VTCN1: variants seen among roughly 807,000 people sequenced by gnomAD.
VTCN1 encodes V-set domain-containing T-cell activation inhibitor 1.
A neutral mutation model predicts 26.5 loss-of-function variants in VTCN1; 26 were observed. That is an observed-to-expected ratio of 0.98 (90% confidence interval 0.72 to 1.36). VTCN1 has a LOEUF of 1.36. Ranked by LOEUF, VTCN1 falls within the 40% of genes most tolerant of loss-of-function variation. VTCN1 has a pLI of 0.00. For synonymous variants in VTCN1, 116 were observed against 130.7 expected (o/e 0.89, Z 0.77); for missense variants, 298 against 337.7 (o/e 0.88, Z 0.92).
At position 117,147,384 on chromosome 1, in the gene VTCN1, A is replaced by G. The variant is rs1247653318; in HGVS notation, c.*45+229T>C. Among the ~76,000 whole-genome samples the G allele has an allele frequency of 1.3e-5, 2 of 152,232 alleles. No individual in the cohort carries two copies. Among genetic ancestry groups the G allele is most frequent in the Non-Finnish European group, 2.9e-5 (2 of 68,032 alleles). On this transcript the variant is annotated intron_variant, in intron 5 of 5. Transcript: ENST00000369458. The surrounding 1 kb of genome is among the most constrained non-coding windows in gnomAD (Gnocchi z 4.6). ...TAACTTAAAAGGTATTTGAATTTAC[A>G]TAAATACTTGAATTGTATGTTATTT...
Position 117,146,009 on chromosome 1 carries a change from C to T in VTCN1, c.*46-784G>A, listed in dbSNP as rs1057195237. On this transcript the variant is annotated intron_variant, in intron 5 of 5. Coordinates refer to ENST00000369458, the MANE Select transcript of VTCN1 (RefSeq NM_024626.4). This position sits in a 1 kb window ranked among gnomAD's most constrained non-coding sequence, Gnocchi z 4.2. ...GTGCCAGGGAGAAAGAGGTGGACTG[C>T]AGCTAACTGGGTAATTGTATATAAG... Among the ~76,000 whole-genome samples the T allele has an allele frequency of 6.6e-6, 1 of 152,174 alleles. No individual in the cohort carries two copies. Among genetic ancestry groups the T allele is most frequent in the Non-Finnish European group, 1.5e-5 (1 of 68,032 alleles).
rs565754335 is a variant in VTCN1, at chr1:117,168,592, A to G, written c.97+1515T>C. On this transcript the variant is annotated intron_variant, in intron 2 of 5. Transcript: ENST00000369458. ...ATTAAGAACTTCTGCTCATTGAAAA[A>G]CATCATTAAGAGAGTAAAAAAGCAA... 2.0e-5 allele frequency among the ~76,000 whole-genome samples: 3 copies of G among 152,358 alleles called. No individual in the cohort carries two copies. The South Asian group carries it at 6.2e-4, about 32-fold the overall frequency.
intron 4 of VTCN1, among the ~76,000 whole-genome samples, chr1:117,150,632 CAACAA>C (rs1291872271): frequency 6.6e-6 from 1 of 152,062 alleles, no homozygotes; most frequent in Non-Finnish European, 1.5e-5. Flanking sequence ...GCAGTAAAAA[CAACAA>C]AATTTACCAT....
chr1:117,163,867 G>T (rs1652486342), intron 2 of VTCN1, among the ~76,000 whole-genome samples: 1 of 152,192 alleles, frequency 6.6e-6, no homozygotes, highest in African/African-American at 2.4e-5. Context: ...TTTCTCAGAT[G>T]ACTCGAAGGT....
chr1:117,173,790 G>T (rs1486524039), intron 1 of VTCN1, among the ~76,000 whole-genome samples: 1 of 152,212 alleles, frequency 6.6e-6, no homozygotes, highest in Admixed American at 6.5e-5. Context: ...CCTGAACAGC[G>T]ACACTGAACA....
At chr1:117,198,629 A>G (rs1318491773) in intron 1 of VTCN1, among the ~76,000 whole-genome samples, 3 of 152,148 alleles carry the variant, frequency 2.0e-5, no homozygotes, top group Non-Finnish European at 4.4e-5. Context: ...CATCCACATC[A>G]GCACCACCCA....
At chr1:117,194,086 A>G (rs1167784424) in intron 1 of VTCN1, among the ~76,000 whole-genome samples, 1 of 152,196 alleles carries the variant, frequency 6.6e-6, no homozygotes, top group Admixed American at 6.5e-5. Flanking sequence ...CAGGCAACCT[A>G]AAGAATAGAA....
chr1:117,174,744 A>G (rs1365783481), intron 1 of VTCN1, among the ~76,000 whole-genome samples: 1 of 152,166 alleles, frequency 6.6e-6, no homozygotes, highest in East Asian at 1.9e-4. Flanking sequence ...AAGAATTTAA[A>G]CCCAGGGGAA....
chr1:117,193,794 T>C (rs1648367979), intron 1 of VTCN1, among the ~76,000 whole-genome samples: 1 of 152,146 alleles, frequency 6.6e-6, no homozygotes, highest in South Asian at 2.1e-4. Flanking sequence ...CAGCAATAAA[T>C]GGTACTGGGA....
At chr1:117,209,196 T>C (rs1211235973) in intron 1 of VTCN1, among the ~76,000 whole-genome samples, 1 of 152,136 alleles carries the variant, frequency 6.6e-6, no homozygotes, top group Non-Finnish European at 1.5e-5. Flanking sequence ...TTCCAGTGGG[T>C]TTCTGAAGGG....
chr1:117,170,242 T>A, intron 1 of VTCN1, 71 bp from the exon 2 acceptor site: 1 of 1,398,654 alleles, frequency 7.1e-7, no homozygotes, highest in Non-Finnish European at 1.0e-6. Flanking sequence ...GCAACTGGGG[T>A]ACAAATCTGT....
At chr1:117,207,941 T>G (rs1004328309) in intron 1 of VTCN1, among the ~76,000 whole-genome samples, 31 of 152,170 alleles carry the variant, frequency 2.0e-4, no homozygotes, top group African/African-American at 7.2e-4. Context: ...TGACCACAAC[T>G]GTTTCCCAAC....
Position 117,146,320 on chromosome 1 carries a change from G to A in VTCN1, c.*46-1095C>T, listed in dbSNP as rs776737477. 6.6e-5 allele frequency among the ~76,000 whole-genome samples: 10 copies of A among 152,078 alleles called. No individual in the cohort carries two copies. Among genetic ancestry groups the A allele is most frequent in the African/African-American group, 9.7e-5 (4 of 41,406 alleles). ...AGGATTGGAAATGATGAAAACTGGC[G>A]GGTTTCCTTACAAAGAATCTCCTTT... is the stretch of plus-strand genomic sequence containing the variant. On this transcript the variant is annotated intron_variant, in intron 5 of 5. Coordinates refer to ENST00000369458, the MANE Select transcript of VTCN1 (RefSeq NM_024626.4). This position sits in a 1 kb window ranked among gnomAD's most constrained non-coding sequence, Gnocchi z 4.2.
intron 1 of VTCN1, among the ~76,000 whole-genome samples, chr1:117,176,370 A>T (rs575560654): frequency 4.9e-4 from 75 of 152,352 alleles, no homozygotes; most frequent in African/African-American, 1.6e-3. Flanking sequence ...AAAAAGTGGC[A>T]GGAGGCCTCA....
At chr1:117,179,830 C>T (rs995797158) in intron 1 of VTCN1, among the ~76,000 whole-genome samples, 3 of 152,078 alleles carry the variant, frequency 2.0e-5, no homozygotes, top group Admixed American at 1.3e-4. Context: ...ATCCCTATGA[C>T]GACCTACGGA....
chr1:117,151,006 T>G (rs1448575795), intron 4 of VTCN1, among the ~76,000 whole-genome samples: 1 of 152,172 alleles, frequency 6.6e-6, no homozygotes, highest in African/African-American at 2.4e-5. Context: ...ATTTTGTTTA[T>G]CTACTCATCT....
At chr1:117,190,941 A>T (rs1648214810) in intron 1 of VTCN1, among the ~76,000 whole-genome samples, 1 of 152,254 alleles carries the variant, frequency 6.6e-6, no homozygotes, top group African/African-American at 2.4e-5. Flanking sequence ...AAGTCTATTA[A>T]TTGCCTGACA....
chr1:117,189,210 A>G (rs1648114239), intron 1 of VTCN1, among the ~76,000 whole-genome samples: 2 of 152,146 alleles, frequency 1.3e-5, no homozygotes, highest in African/African-American at 4.8e-5. Context: ...ACTCTCTCTG[A>G]AGTTCACTTC....
intron 1 of VTCN1, among the ~76,000 whole-genome samples, chr1:117,177,261 A>G (rs1647406478): frequency 6.6e-6 from 1 of 152,220 alleles, no homozygotes; most frequent in African/African-American, 2.4e-5. Context: ...TTTCCTAGAT[A>G]TTGATTAGCA....
Sources: allele counts gnomAD v4.1 joint callset (sites outside exome capture counted in the v4.1 genomes callset), GRCh38; gene constraint gnomAD v4.1.1; non-coding constraint Gnocchi (gnomAD v3.1); transcripts MANE v1.5; gene names NCBI Gene and HGNC (gene_info 2026-07-23, HGNC 2026-07-21).